SS18L1: variants seen among roughly 807,000 people sequenced by gnomAD.
SS18L1 encodes the protein SS18L1 subunit of BAF chromatin remodeling complex.
In SS18L1, 32 loss-of-function variants were observed where a neutral mutation model predicts 70.3. That is an observed-to-expected ratio of 0.46 (90% confidence interval 0.34 to 0.61). The LOEUF is 0.61. SS18L1 is among the 20% of genes least tolerant of loss of function. The pLI, the probability that SS18L1 is intolerant of heterozygous loss-of-function variation, is 0.01. For missense variants in SS18L1, 430 were observed against 542.1 expected, an observed-to-expected ratio of 0.79 and a Z score of 2.05; for synonymous variants, 237 against 229.7, an observed-to-expected ratio of 1.03 and a Z score of -0.29.
At position 62,161,540 on chromosome 20, in the gene SS18L1, C is replaced by T. The variant is rs138681194; in HGVS notation, c.336C>T (p.Gly112=). The part of the protein sequence containing the change: ...QGSLSDAIST[G]LPPSSLLQGQ... ...GCCTGAGTGACGCCATCAGCACGGG[C>T]CTGCCACCCTCCTCCCTCCTGCAGG... is the stretch of plus-strand genomic sequence containing the variant. The change falls in exon 4 of 11, where the codon GGC becomes GGT. Residue 112 remains glycine, a synonymous_variant. Coordinates refer to ENST00000331758, the MANE Select transcript of SS18L1 (RefSeq NM_198935.3). The surrounding 1 kb of genome is among the most constrained non-coding windows in gnomAD (Gnocchi z 4.4). 3.7e-4 allele frequency: 604 copies of T among 1,612,148 alleles called. 2 individuals carry two copies. The highest frequency in any genetic ancestry group is 5.9e-5 in the Non-Finnish European group (69 of 1,179,462).
At chr20:62,155,271 G>A (rs1158276423) in intron 1 of SS18L1, among the ~76,000 whole-genome samples, 1 of 152,070 alleles carries the variant, frequency 6.6e-6, no homozygotes, top group Non-Finnish European at 1.5e-5. Flanking sequence ...CATTTAGCCA[G>A]GCATGGTGGC....
Position 62,179,490 on chromosome 20 carries a change from T to G in SS18L1, c.*282T>G, listed in dbSNP as rs1219119585. 1 of 510,416 alleles carries G rather than the reference T, an allele frequency of 2.0e-6. No homozygotes were observed. Among genetic ancestry groups the G allele is most frequent in the African/African-American group, 1.9e-5 (1 of 52,458 alleles). 31.6% of individuals were successfully genotyped at this position (510,416 alleles called of 1,614,324 possible). On this transcript the variant is annotated 3_prime_UTR_variant, in exon 11 of 11. Coordinates refer to ENST00000331758, the MANE Select transcript of SS18L1 (RefSeq NM_198935.3). Reference sequence around the variant, plus strand: ...TGTCCCCCGCCCCCTTCTCAATGTTTCTAGCTAGCTTTGGGGGTCATTTTG... The same window carrying G: ...TGTCCCCCGCCCCCTTCTCAATGTTGCTAGCTAGCTTTGGGGGTCATTTTG...
chr20:62,147,222 G>T (rs1184776380), intron 1 of SS18L1, among the ~76,000 whole-genome samples: 1 of 152,180 alleles, frequency 6.6e-6, no homozygotes, highest in Non-Finnish European at 1.5e-5. Flanking sequence ...GGCTGATGTG[G>T]GGAGGGTAGC....
In SS18L1 at chr20:62,180,457, T is replaced by C. The variant is rs112666280; in HGVS notation, c.*1249T>C. 5.8e-3 allele frequency: 1,060 copies of C among 183,380 alleles called. 14 individuals carry two copies. The highest frequency in any genetic ancestry group is 0.023 in the African/African-American group (983 of 42,736). The allele number at this position is 183,380 out of a possible 1,614,324, so 11.4% of individuals were successfully genotyped here. On this transcript the variant is annotated 3_prime_UTR_variant, in exon 11 of 11. Coordinates refer to ENST00000331758, the MANE Select transcript of SS18L1 (RefSeq NM_198935.3). ...TTAGTTGGAATAATAATATTCATATTTGCTATGAATCCTTTTAAAAAAATC... is the reference window on the plus strand; with the variant it reads ...TTAGTTGGAATAATAATATTCATATCTGCTATGAATCCTTTTAAAAAAATC...
intron 8 of SS18L1, among the ~76,000 whole-genome samples, chr20:62,168,095 G>T (rs1407702907): frequency 6.6e-6 from 1 of 151,598 alleles, no homozygotes; most frequent in Admixed American, 6.6e-5. Context: ...CAGTGCAGGG[G>T]CTCCAGGTGT....
chr20:62,166,662 C>T (rs911534149), intron 8 of SS18L1, among the ~76,000 whole-genome samples: 12 of 151,810 alleles, frequency 7.9e-5, no homozygotes, highest in Admixed American at 2.6e-4. Context: ...TTGTGGCTCA[C>T]GCCTATAATC....
intron 1 of SS18L1, among the ~76,000 whole-genome samples, chr20:62,148,515 T>G (rs966114675): frequency 2.6e-5 from 4 of 151,388 alleles, no homozygotes; most frequent in Non-Finnish European, 4.4e-5. Context: ...AGGCTCGGCC[T>G]CCTTGCTGTC....
intron 7 of SS18L1, among the ~76,000 whole-genome samples, chr20:62,164,859 A>G (rs2057399178): frequency 6.6e-6 from 1 of 152,204 alleles, no homozygotes; most frequent in East Asian, 1.9e-4. Context: ...GCACCACCAC[A>G]CTCCAGCCTT....
chr20:62,164,050 C>T, intron 6 of SS18L1, 95 bp from the exon 7 acceptor site: 1 of 1,122,630 alleles, frequency 8.9e-7, no homozygotes, highest in South Asian at 1.5e-5. Context: ...TGGGTGAGGC[C>T]ATTCAGCAAG....
chr20:62,178,548 G>A (rs1254801165), intron 10 of SS18L1, among the ~76,000 whole-genome samples: 2 of 151,826 alleles, frequency 1.3e-5, no homozygotes, highest in Non-Finnish European at 2.9e-5. Context: ...CTCCTGCCTC[G>A]GCCTCCCAAA....
At chr20:62,165,067 G>A (rs571929247) in intron 7 of SS18L1, among the ~76,000 whole-genome samples, 424 of 152,330 alleles carry the variant, frequency 2.8e-3, no homozygotes, top group African/African-American at 9.8e-3. Context: ...TGCAGCGAAG[G>A]CCTCGGTAAG....
intron 1 of SS18L1, among the ~76,000 whole-genome samples, chr20:62,155,895 T>TCGAA (rs2057213071): frequency 6.6e-6 from 1 of 152,018 alleles, no homozygotes; most frequent in East Asian, 1.9e-4. Context: ...CCACACCTGT[T>TCGAA]CCATCCTTAG....
At chr20:62,179,158 A>G (rs957141296) in intron 10 of SS18L1, 24 bp from the exon 11 acceptor site, 81 of 1,613,870 alleles carry the variant, frequency 5.0e-5, no homozygotes, top group Non-Finnish European at 6.6e-5. Flanking sequence ...ATAGGGGTGT[A>G]ATCTGTGTCT....
rs933711285 is a variant in SS18L1, at chr20:62,159,589, G to A, written c.147-288G>A. On this transcript the variant is annotated intron_variant, in intron 2 of 10. Coordinates refer to ENST00000331758, the MANE Select transcript of SS18L1 (RefSeq NM_198935.3). The surrounding 1 kb of genome is among the most constrained non-coding windows in gnomAD (Gnocchi z 4.4). ...TCCCCCCATCTCTATCCTCTGAACAGACCAATGCCAGCTTCCGCTTAGCTG... is the reference window on the plus strand; with the variant it reads ...TCCCCCCATCTCTATCCTCTGAACAAACCAATGCCAGCTTCCGCTTAGCTG... 3.3e-5 allele frequency among the ~76,000 whole-genome samples: 5 copies of A among 152,096 alleles called. No individual in the cohort carries two copies. Among genetic ancestry groups the A allele is most frequent in the African/African-American group, 1.2e-4 (5 of 41,424 alleles).
rs146328844 is a variant in SS18L1, at chr20:62,152,631, C to T, written c.70-6041C>T. 4.4e-3 allele frequency among the ~76,000 whole-genome samples: 669 copies of T among 151,934 alleles called. 2 individuals carry two copies. The highest frequency in any genetic ancestry group is 0.013 in the African/African-American group (556 of 41,356). ...AGCAGTAAATACAGAAGATCTAGAA[C>T]GCTCCAGGCCGCGTGAATGGCTTCT... On this transcript the variant is annotated intron_variant, in intron 1 of 10. Coordinates refer to ENST00000331758, the MANE Select transcript of SS18L1 (RefSeq NM_198935.3).
intron 1 of SS18L1, among the ~76,000 whole-genome samples, chr20:62,151,930 C>T (rs1333707767): frequency 1.4e-5 from 2 of 146,410 alleles, no homozygotes; most frequent in Non-Finnish European, 3.0e-5. Flanking sequence ...CCGTTCTCCT[C>T]TTTTCCCTCT....
Position 62,172,821 on chromosome 20 carries a change from C to A in SS18L1, c.1036+20C>A, listed in dbSNP as rs756342448. Reference sequence around the variant, plus strand: ...GCTACGGTAAGAGGCGAGCACGGTCCTCGGGGCCCCCCAGCGCCCACCCCT... The same window carrying A: ...GCTACGGTAAGAGGCGAGCACGGTCATCGGGGCCCCCCAGCGCCCACCCCT... On this transcript the variant is annotated intron_variant, in intron 9 of 10. Coordinates refer to ENST00000331758, the MANE Select transcript of SS18L1 (RefSeq NM_198935.3). The A allele has an allele frequency of 6.2e-7, 1 of 1,610,844 alleles. No homozygotes were observed.
At chr20:62,155,100 G>A (rs183714182) in intron 1 of SS18L1, among the ~76,000 whole-genome samples, 148 of 152,248 alleles carry the variant, frequency 9.7e-4, no homozygotes, top group African/African-American at 3.3e-3. Context: ...AGGTTTTGTT[G>A]GATTTTTTTA....
At chr20:62,160,884 G>A (rs1189277248) in intron 3 of SS18L1, among the ~76,000 whole-genome samples, 1 of 152,032 alleles carries the variant, frequency 6.6e-6, no homozygotes, top group African/African-American at 2.4e-5. Flanking sequence ...CTCCAGAGCT[G>A]CTGGTTGACC....
Sources: gnomAD v4.1 joint callset for allele counts (sites outside exome capture counted in the v4.1 genomes callset) on GRCh38, gnomAD v4.1.1 for gene constraint, Gnocchi (gnomAD v3.1) non-coding constraint, MANE v1.5 for transcripts, NCBI Gene and HGNC (gene_info 2026-07-23, HGNC 2026-07-21) for gene names.